The following C1QTNF3 variants were observed in gnomAD, a reference collection of about 807,000 sequenced individuals.
C1QTNF3 encodes the protein complement C1q tumor necrosis factor-related protein 3.
Under a neutral mutation model 32.6 loss-of-function variants are expected in C1QTNF3, and 26 were observed. The ratio of observed to expected loss-of-function variants is 0.80; its 90% confidence interval spans 0.58 to 1.11. The LOEUF is 1.11. Ranked by LOEUF, C1QTNF3 falls within the 50% of genes least tolerant of loss-of-function variation. C1QTNF3 has a pLI of 0.00. For synonymous variants in C1QTNF3, 155 were observed against 146.0 expected (o/e 1.06, Z -0.44); for missense variants, 362 against 398.2 (o/e 0.91, Z 0.77).
At chr5:34,136,571 C>A in the C1QTNF3 span, among the ~76,000 whole-genome samples, 2 of 152,190 alleles carry the variant, frequency 1.3e-5, no homozygotes, top group South Asian at 2.1e-4. Context: ...ATTAGTTCAA[C>A]CATGTGGAAG....
At chr5:34,075,440 AAC>A in the C1QTNF3 span, among the ~76,000 whole-genome samples, 1 of 151,748 alleles carries the variant, frequency 6.6e-6, no homozygotes, top group African/African-American at 2.4e-5. Flanking sequence ...ACTGAGTATT[AAC>A]AGAGTTGAAG....
At chr5:34,140,710 T>TCA in the C1QTNF3 span, among the ~76,000 whole-genome samples, 5 of 152,262 alleles carry the variant, frequency 3.3e-5, no homozygotes, top group East Asian at 9.6e-4. Context: ...GATAGATTTC[T>TCA]CACCCGCAGG....
At chr5:34,139,125 G>T in the C1QTNF3 span, among the ~76,000 whole-genome samples, 1 of 151,706 alleles carries the variant, frequency 6.6e-6, no homozygotes, top group Admixed American at 6.6e-5. Flanking sequence ...ATATATGAAG[G>T]TATTCATAAT....
At chr5:34,167,948 C>T in the C1QTNF3 span, 1 of 151,960 alleles carries the variant, frequency 6.6e-6, no homozygotes, top group Non-Finnish European at 1.5e-5. Context: ...GTCTTCAGTG[C>T]ATGCCCAGAT....
At chr5:34,181,810 G>A in the C1QTNF3 span, among the ~76,000 whole-genome samples, 1 of 152,384 alleles carries the variant, frequency 6.6e-6, no homozygotes, top group South Asian at 2.1e-4. Flanking sequence ...CCCAGAAGTC[G>A]CCTCTGGGCC....
At position 34,019,370 on chromosome 5, in the gene C1QTNF3, C is replaced by T. The variant is rs1213130693; in HGVS notation, c.*1213G>A. ...TGGGACTTGTTGCCTACAACCAAAC[C>T]TTGTGTGTCACTAAGGTGAAAACTT... On this transcript the variant is annotated 3_prime_UTR_variant, in exon 6 of 6. Coordinates refer to ENST00000382065, the MANE Select transcript of C1QTNF3 (RefSeq NM_181435.6). The T allele has an allele frequency of 2.0e-5, 3 of 152,214 alleles. No homozygotes were observed. The highest frequency in any genetic ancestry group is 4.8e-5 in the African/African-American group (2 of 41,464). The allele number at this position is 152,214 out of a possible 1,614,324, so 9.4% of individuals were successfully genotyped here. A position where few individuals can be genotyped will look rare whatever the true frequency, so the allele number is the denominator to read the frequency against.
At chr5:34,182,518 T>TAAATA in the C1QTNF3 span, among the ~76,000 whole-genome samples, 8 of 129,880 alleles carry the variant, frequency 6.2e-5, no homozygotes, top group African/African-American at 2.5e-4. Flanking sequence ...AATAAATAAA[T>TAAATA]AAAAAATCTG....
the C1QTNF3 span, among the ~76,000 whole-genome samples, chr5:34,048,750 C>T: frequency 6.6e-6 from 1 of 151,744 alleles, no homozygotes; most frequent in Admixed American, 6.6e-5. Flanking sequence ...TCTGTCACCC[C>T]CTATGGGTTG....
At chr5:34,214,510 TTAA>T in the C1QTNF3 span, among the ~76,000 whole-genome samples, 2 of 151,626 alleles carry the variant, frequency 1.3e-5, no homozygotes, top group African/African-American at 2.4e-5. Flanking sequence ...TTATATTTCA[TTAA>T]TGTCTTATTT....
At chr5:34,202,649 T>A in the C1QTNF3 span, among the ~76,000 whole-genome samples, 1 of 151,984 alleles carries the variant, frequency 6.6e-6, no homozygotes, top group Non-Finnish European at 1.5e-5. Flanking sequence ...ATTACAGTTA[T>A]GCTTATGTTA....
chr5:34,234,345 G>A, the C1QTNF3 span, among the ~76,000 whole-genome samples: 1 of 152,082 alleles, frequency 6.6e-6, no homozygotes, highest in Non-Finnish European at 1.5e-5. Flanking sequence ...TTACCAAATT[G>A]TATCTTCCCA....
Position 34,038,598 on chromosome 5 carries a change from A to G in C1QTNF3, c.304-2840T>C, listed in dbSNP as rs145225504. On this transcript the variant is annotated intron_variant, in intron 1 of 5. Transcript: ENST00000382065. ...ACTAAGAAAGCATCTTTCCAAAAGAAATGCAATTGTCTTAAGACCCCCTCC... is the reference window on the plus strand; with the variant it reads ...ACTAAGAAAGCATCTTTCCAAAAGAGATGCAATTGTCTTAAGACCCCCTCC... Among the ~76,000 whole-genome samples the G allele has an allele frequency of 8.6e-3, 1,306 of 152,292 alleles. 18 individuals are homozygous for G. The highest frequency in any genetic ancestry group is 0.03 in the African/African-American group (1,267 of 41,554).
At chr5:34,241,705 C>A in the C1QTNF3 span, among the ~76,000 whole-genome samples, 2 of 151,788 alleles carry the variant, frequency 1.3e-5, no homozygotes, top group East Asian at 3.9e-4. Context: ...GAGTTTGAGA[C>A]CAACCTGGGC....
At chr5:34,021,622 A>C (rs1386628674) in intron 5 of C1QTNF3, among the ~76,000 whole-genome samples, 1 of 152,240 alleles carries the variant, frequency 6.6e-6, no homozygotes, top group Non-Finnish European at 1.5e-5. Context: ...GACATGCATG[A>C]AGCTGTAAGT....
At chr5:34,132,588 T>C in the C1QTNF3 span, among the ~76,000 whole-genome samples, 7 of 152,148 alleles carry the variant, frequency 4.6e-5, no homozygotes, top group African/African-American at 1.7e-4. Context: ...AATGCCTGTA[T>C]ACTTATACCA....
At chr5:34,024,622 A>G (rs1342343495) in intron 4 of C1QTNF3, among the ~76,000 whole-genome samples, 1 of 152,224 alleles carries the variant, frequency 6.6e-6, no homozygotes, top group Non-Finnish European at 1.5e-5. Flanking sequence ...GGACCTTGTC[A>G]CTAAAAGTCT....
the C1QTNF3 span, among the ~76,000 whole-genome samples, chr5:34,155,313 T>C: frequency 6.6e-6 from 1 of 152,186 alleles, no homozygotes; most frequent in African/African-American, 2.4e-5. Context: ...TAATGCACTT[T>C]ATACACAGAC....
At chr5:34,226,427 T>G in the C1QTNF3 span, among the ~76,000 whole-genome samples, 1 of 136,110 alleles carries the variant, frequency 7.3e-6, no homozygotes, top group Admixed American at 7.7e-5. Context: ...GAACAAAGAC[T>G]GGTACAATAA....
chr5:34,054,760 T>TG, the C1QTNF3 span, among the ~76,000 whole-genome samples: 1 of 151,948 alleles, frequency 6.6e-6, no homozygotes, highest in Non-Finnish European at 1.5e-5. Flanking sequence ...ATCTGTATTT[T>TG]TTTTACCTTC....
Sources: allele counts gnomAD v4.1 joint callset (sites outside exome capture counted in the v4.1 genomes callset), GRCh38; gene constraint gnomAD v4.1.1; transcripts MANE v1.5; gene names NCBI Gene and HGNC (gene_info 2026-07-23, HGNC 2026-07-21).